The following MYO10 variants were observed in gnomAD, a reference collection of about 807,000 sequenced individuals.
MYO10 encodes the protein unconventional myosin-X.
A neutral mutation model predicts 257.3 loss-of-function variants in MYO10; 133 were observed. The ratio of observed to expected loss-of-function variants is 0.52; its 90% CI spans 0.45 to 0.60. The LOEUF (loss-of-function observed/expected upper bound fraction) is 0.60, where lower values mean the gene tolerates loss of function less well. Among genes scored for constraint, MYO10 ranks in the 20% least tolerant of loss-of-function variants. The pLI is 0.00. For missense variants in MYO10, 2,399 were observed against 2,635.7 expected, an observed-to-expected ratio of 0.91 and a Z score of 1.97; for synonymous variants, 1,104 against 1,028.6, an observed-to-expected ratio of 1.07 and a Z score of -1.40.
At chr5:16,763,035 C>G (rs899106186) in intron 14 of MYO10, among the ~76,000 whole-genome samples, 6 of 151,222 alleles carry the variant, frequency 4.0e-5, no homozygotes, top group African/African-American at 7.3e-5. Context: ...TCTCTACTCT[C>G]TAACAAATGA....
intron 1 of MYO10, among the ~76,000 whole-genome samples, chr5:16,920,839 C>T (rs917718254): frequency 1.3e-5 from 2 of 152,046 alleles, no homozygotes; most frequent in African/African-American, 2.4e-5. Context: ...CAGAATAGGC[C>T]GGGTGCGGTG....
At chr5:16,784,446 G>A (rs778394881) in intron 4 of MYO10, among the ~76,000 whole-genome samples, 17 of 152,156 alleles carry the variant, frequency 1.1e-4, no homozygotes, top group Non-Finnish European at 2.1e-4. Context: ...TTAGGCCCGC[G>A]GTGGCCAGGT....
rs181751833 is a variant in MYO10 at position 16,863,351 on chromosome 5, T to C, written c.120+14258A>G. ...GGCTGGGGTGGGAAGGCAAAAGCCA[T>C]GTTCTAGGAAAAAGGGTCAGAAATA... is the stretch of plus-strand genomic sequence containing the variant. On this transcript the variant is annotated intron_variant, in intron 2 of 40. Coordinates refer to ENST00000513610, the MANE Select transcript of MYO10 (RefSeq NM_012334.3). Among the ~76,000 whole-genome samples the C allele has an allele frequency of 2.2e-3, 335 of 151,482 alleles. 4 individuals are homozygous for C. The highest frequency in any genetic ancestry group is 3.7e-3 in the Admixed American group (56 of 15,064).
intron 1 of MYO10, among the ~76,000 whole-genome samples, chr5:16,899,933 G>A (rs751109205): frequency 2.2e-4 from 32 of 148,764 alleles, no homozygotes; most frequent in Non-Finnish European, 4.4e-5. Context: ...AGGAGGCAGA[G>A]GTTGCAGTGA....
At chr5:16,856,509 C>G (rs1403379665) in intron 2 of MYO10, among the ~76,000 whole-genome samples, 1 of 151,728 alleles carries the variant, frequency 6.6e-6, no homozygotes, top group African/African-American at 2.4e-5. Context: ...GAGATCGCAC[C>G]ACTGCACTCC....
At chr5:16,895,097 G>A (rs1745180481) in intron 1 of MYO10, among the ~76,000 whole-genome samples, 1 of 152,092 alleles carries the variant, frequency 6.6e-6, no homozygotes, top group Non-Finnish European at 1.5e-5. Context: ...ATAAAATGTG[G>A]GCAAAATTAC....
chr5:16,671,963 C>T (rs943038825), intron 37 of MYO10, among the ~76,000 whole-genome samples: 2 of 152,262 alleles, frequency 1.3e-5, no homozygotes, highest in East Asian at 1.9e-4. Flanking sequence ...GGAATACCTT[C>T]GCGCTACTTC....
intron 9 of MYO10, among the ~76,000 whole-genome samples, chr5:16,774,722 A>T (rs754255473): frequency 1.2e-4 from 19 of 152,090 alleles, no homozygotes; most frequent in Non-Finnish European, 2.8e-4. Context: ...TGCCCGGCCA[A>T]TGTTATGTTT....
At position 16,766,098 on chromosome 5, in the gene MYO10, C is replaced by A. The variant is rs767255912; in HGVS notation, c.1161G>T (p.Thr387=). ...SMFLRGEEIL[T]PLNVQQAVDS... ...TGTGTACCTGTTGAACATTGAGAGG[C>A]GTGAGGATCTCTTCTCCCCTGAGGA... The change falls in exon 11 of 41, where the codon ACG becomes ACT. Residue 387 remains threonine (T), a synonymous_variant. Transcript: ENST00000513610. 2.5e-6 allele frequency: 4 copies of A among 1,611,262 alleles called. No homozygotes were observed. In the Admixed American group the frequency reaches 6.7e-5, roughly 27 times the overall value.
intron 19 of MYO10, among the ~76,000 whole-genome samples, chr5:16,737,313 G>C (rs1739842560): frequency 6.6e-6 from 1 of 152,154 alleles, no homozygotes; most frequent in Non-Finnish European, 1.5e-5. Context: ...ACTTTAATGA[G>C]CTGTTTTATC....
intron 19 of MYO10, among the ~76,000 whole-genome samples, chr5:16,754,270 G>C (rs939027184): frequency 6.6e-6 from 1 of 151,998 alleles, no homozygotes; most frequent in African/African-American, 2.4e-5. Flanking sequence ...CACATTCCTT[G>C]TAATCGGATT....
At chr5:16,924,467 C>T (rs112418255) in intron 1 of MYO10, among the ~76,000 whole-genome samples, 315 of 152,252 alleles carry the variant, frequency 2.1e-3, no homozygotes, top group Middle Eastern at 3.4e-3. Context: ...TCTCATGAAA[C>T]TTCCACTGCC....
intron 2 of MYO10, among the ~76,000 whole-genome samples, chr5:16,843,756 A>T (rs2126729176): frequency 6.6e-6 from 1 of 152,166 alleles, no homozygotes; most frequent in African/African-American, 2.4e-5. Context: ...GGTAAATTAC[A>T]GAAAAAAAAA....
chr5:16,699,553 G>A lies in MYO10; in HGVS notation c.3453C>T (p.Asp1151=), dbSNP rs371955432. Residue 1151 remains aspartate, a synonymous_variant, in exon 26 of 41, where the codon GAC becomes GAT. Transcript: ENST00000513610. ...CATCTGTATCAAACCTGGAATCAAA[G>A]TCCTCTTCACTATCTTCAAACTGGA... The part of the protein sequence containing the change: ...AQSSFEDSEE[D]FDSRFDTDDE... 61 of 1,613,494 alleles carry A rather than the reference G, an allele frequency of 3.8e-5. No homozygotes were observed. Among genetic ancestry groups the A allele is most frequent in the Non-Finnish European group, 4.8e-5 (57 of 1,179,862 alleles).
At chr5:16,781,371 C>T (rs887508707) in intron 6 of MYO10, among the ~76,000 whole-genome samples, 21 of 152,148 alleles carry the variant, frequency 1.4e-4, no homozygotes, top group African/African-American at 3.4e-4. Context: ...TGAGCCACTG[C>T]GCCTGGCCGC....
At chr5:16,836,819 A>T (rs1032359153) in intron 2 of MYO10, among the ~76,000 whole-genome samples, 1 of 152,194 alleles carries the variant, frequency 6.6e-6, no homozygotes, top group East Asian at 1.9e-4. Flanking sequence ...CAGTTACCAT[A>T]TGATCCAGCA....
At chr5:16,685,993 A>T (rs941313321) in intron 28 of MYO10, among the ~76,000 whole-genome samples, 162 bp from the exon 29 acceptor site, 2 of 152,214 alleles carry the variant, frequency 1.3e-5, no homozygotes, top group African/African-American at 2.4e-5. Flanking sequence ...ACCAAAGAAT[A>T]AAGTGAGAAG....
chr5:16,830,481 C>A (rs1391814662), intron 2 of MYO10, among the ~76,000 whole-genome samples: 4 of 151,640 alleles, frequency 2.6e-5, no homozygotes, highest in Non-Finnish European at 5.9e-5. Context: ...ACCCACTATG[C>A]AGGCCAAGTC....
intron 2 of MYO10, among the ~76,000 whole-genome samples, chr5:16,850,488 G>C (rs1415791255): frequency 6.6e-6 from 1 of 152,064 alleles, no homozygotes; most frequent in African/African-American, 2.4e-5. Context: ...ATGTTGGCCA[G>C]GCTGGTCTCC....
Sources: allele counts gnomAD v4.1 joint callset (sites outside exome capture counted in the v4.1 genomes callset), GRCh38; gene constraint gnomAD v4.1.1; transcripts MANE v1.5; gene names NCBI Gene and HGNC (gene_info 2026-07-23, HGNC 2026-07-21).